The following NRXN3 variants were observed in gnomAD, a reference collection of about 807,000 sequenced individuals.
The protein encoded by NRXN3 is neurexin III.
Under a neutral mutation model 137.6 loss-of-function variants are expected in NRXN3, and 32 were observed. That is an observed-to-expected ratio of 0.23 (90% CI 0.18 to 0.31). The LOEUF is 0.31. Among genes scored for constraint, NRXN3 ranks in the 10% least tolerant of loss-of-function variants. NRXN3 has a pLI of 1.00. For synonymous variants in NRXN3, 798 were observed against 784.5 expected (o/e 1.02, Z -0.29); for missense variants, 1,574 against 2,062.5 (o/e 0.76, Z 4.59).
intron 19 of NRXN3, among the ~76,000 whole-genome samples, chr14:79,791,939 C>T (rs2099146670): frequency 6.6e-6 from 1 of 152,170 alleles, no homozygotes; most frequent in Non-Finnish European, 1.5e-5. Flanking sequence ...GTCATCTTCC[C>T]TGCTACGCTG....
chr14:78,713,992 G>A (rs1440124572), intron 7 of NRXN3, among the ~76,000 whole-genome samples: 1 of 152,206 alleles, frequency 6.6e-6, no homozygotes, highest in African/African-American at 2.4e-5. Context: ...TGCTCAATGA[G>A]AGGAGAGACA....
intron 15 of NRXN3, among the ~76,000 whole-genome samples, chr14:79,033,809 G>C (rs984976039): frequency 2.6e-5 from 4 of 152,112 alleles, no homozygotes; most frequent in African/African-American, 7.2e-5. Flanking sequence ...GGTTGTGAGA[G>C]ACACAATGAG....
chr14:79,520,230 C>T (rs984367909), intron 16 of NRXN3, among the ~76,000 whole-genome samples: 6 of 152,066 alleles, frequency 3.9e-5, no homozygotes, highest in Admixed American at 1.3e-4. Flanking sequence ...TGCATTCTTC[C>T]GGCATGCCTT....
At chr14:78,585,141 G>T (rs537592023) in intron 4 of NRXN3, among the ~76,000 whole-genome samples, 38 of 109,910 alleles carry the variant, frequency 3.5e-4, no homozygotes, top group Non-Finnish European at 6.1e-4. Flanking sequence ...GGGAGATAAG[G>T]GGGGGGGGTG....
chr14:79,227,541 G>A (rs559138929), intron 15 of NRXN3, among the ~76,000 whole-genome samples: 5 of 152,110 alleles, frequency 3.3e-5, no homozygotes, highest in Non-Finnish European at 5.9e-5. Flanking sequence ...GGTTAAATAT[G>A]TTATTTCTGT....
intron 4 of NRXN3, among the ~76,000 whole-genome samples, chr14:78,472,853 AG>A (rs1455812050): frequency 2.0e-5 from 3 of 151,886 alleles, no homozygotes; most frequent in African/African-American, 7.2e-5. Context: ...TCTAAACAAT[AG>A]GTGACTCAGC....
intron 15 of NRXN3, among the ~76,000 whole-genome samples, chr14:79,384,421 A>G (rs557388209): frequency 5.3e-5 from 8 of 152,194 alleles, no homozygotes; most frequent in Non-Finnish European, 7.3e-5. Context: ...TAATCTATAA[A>G]TTGAAATCCA....
intron 15 of NRXN3, among the ~76,000 whole-genome samples, chr14:79,344,281 C>T (rs1240800423): frequency 2.0e-5 from 3 of 152,070 alleles, no homozygotes; most frequent in Non-Finnish European, 4.4e-5. Flanking sequence ...TGGTATCCAC[C>T]CAGCTGGTGC....
intron 19 of NRXN3, among the ~76,000 whole-genome samples, chr14:79,779,223 C>T (rs2099106536): frequency 6.6e-6 from 1 of 152,190 alleles, no homozygotes; most frequent in South Asian, 2.1e-4. Flanking sequence ...AAGTGATTCT[C>T]CTGCCTCAGC....
At chr14:78,493,412 A>G (rs2095707109) in intron 4 of NRXN3, among the ~76,000 whole-genome samples, 1 of 151,616 alleles carries the variant, frequency 6.6e-6, no homozygotes. Context: ...AATCCCAGCT[A>G]CTTGGGAGGC....
intron 15 of NRXN3, among the ~76,000 whole-genome samples, chr14:79,000,391 A>T (rs1041451961): frequency 3.3e-5 from 5 of 152,160 alleles, no homozygotes; most frequent in Admixed American, 2.0e-4. Context: ...ATCTTAGTCC[A>T]TTGGCAAGAC....
intron 6 of NRXN3, among the ~76,000 whole-genome samples, chr14:78,657,407 A>G (rs1316885920): frequency 6.6e-6 from 1 of 151,790 alleles, no homozygotes; most frequent in Non-Finnish European, 1.5e-5. Context: ...TCAATCTGAC[A>G]CTCCTCCATT....
chr14:78,742,672 T>C (rs2098583869), intron 8 of NRXN3, among the ~76,000 whole-genome samples: 1 of 152,198 alleles, frequency 6.6e-6, no homozygotes, highest in South Asian at 2.1e-4. Flanking sequence ...ATTCCTAATG[T>C]TCATCAAGAG....
At chr14:78,177,602 T>C (rs893645218) in intron 1 of NRXN3, among the ~76,000 whole-genome samples, 8 of 152,116 alleles carry the variant, frequency 5.3e-5, no homozygotes, top group African/African-American at 1.9e-4. Flanking sequence ...TGATAAAATA[T>C]ATGGCCATCC....
intron 2 of NRXN3, chr14:78,250,146 G>T (rs768159328): frequency 1.2e-5 from 6 of 509,200 alleles, no homozygotes; most frequent in Non-Finnish European, 2.3e-5. Context: ...GATTGTGCAG[G>T]TATTAAGAGG....
At chr14:79,678,505 A>G (rs371966328) in intron 17 of NRXN3, among the ~76,000 whole-genome samples, 1 of 152,288 alleles carries the variant, frequency 6.6e-6, no homozygotes, top group Non-Finnish European at 1.5e-5. Context: ...TATATCCTCT[A>G]TAATTCACAA....
At chr14:78,446,746 A>G (rs2094430486) in intron 4 of NRXN3, among the ~76,000 whole-genome samples, 1 of 152,222 alleles carries the variant, frequency 6.6e-6, no homozygotes, top group Admixed American at 6.5e-5. Context: ...AAGAATGAGT[A>G]GCTGCCCTGG....
chr14:79,157,636 C>T (rs1277634137), intron 15 of NRXN3, among the ~76,000 whole-genome samples: 1 of 151,770 alleles, frequency 6.6e-6, no homozygotes, highest in African/African-American at 2.4e-5. Flanking sequence ...TTGAAAGAAA[C>T]ACTCCTGAAA....
chr14:79,403,756 T>C (rs1249386768), intron 15 of NRXN3, among the ~76,000 whole-genome samples: 1 of 152,060 alleles, frequency 6.6e-6, no homozygotes, highest in Non-Finnish European at 1.5e-5. Flanking sequence ...TCTCTGAGAA[T>C]TGTTCCTGGT....
Sources: allele counts gnomAD v4.1 joint callset (sites outside exome capture counted in the v4.1 genomes callset), GRCh38; gene constraint gnomAD v4.1.1; transcripts MANE v1.5; gene names NCBI Gene and HGNC (gene_info 2026-07-23, HGNC 2026-07-21).